Variants in KLRG1 observed in about 807,000 individuals in gnomAD.
The protein encoded by KLRG1 is killer cell lectin like receptor G1, also known as killer cell lectin-like receptor subfamily G member 1.
KLRG1 carries 16 observed loss-of-function variants against 21.8 expected under a neutral mutation model. The observed-to-expected ratio is 0.73, with a 90% CI of 0.50 to 1.11. KLRG1 has a LOEUF of 1.11. Among genes scored for constraint, KLRG1 ranks in the 50% most tolerant of loss-of-function variants. KLRG1 has a pLI of 0.00. For synonymous variants in KLRG1, 69 were observed against 75.9 expected (o/e 0.91, Z 0.47); for missense variants, 173 against 218.3 (o/e 0.79, Z 1.31).
chr12:9,017,613 C>T, the KLRG1 span, among the ~76,000 whole-genome samples: 3 of 152,068 alleles, frequency 2.0e-5, no homozygotes, highest in Admixed American at 6.5e-5. Flanking sequence ...AGACATACCT[C>T]AACACAATAA....
chr12:9,111,998 T>C, the KLRG1 span: 4 of 794,402 alleles, frequency 5.0e-6, no homozygotes, highest in Non-Finnish European at 9.2e-6. Context: ...TTTCTTTACC[T>C]GGAATGATGT....
At chr12:9,200,287 T>A in the KLRG1 span, 1 of 975,780 alleles carries the variant, frequency 1.0e-6, no homozygotes, top group Non-Finnish European at 1.5e-6. Flanking sequence ...GCAAAGTAAA[T>A]TTATAATTTT....
chr12:9,152,275 A>T, the KLRG1 span: 1 of 1,613,390 alleles, frequency 6.2e-7, no homozygotes. Context: ...TACATCAACA[A>T]TCACCATATT....
At chr12:9,093,758 T>C in the KLRG1 span, among the ~76,000 whole-genome samples, 1 of 151,618 alleles carries the variant, frequency 6.6e-6, no homozygotes, top group Non-Finnish European at 1.5e-5. Context: ...AATATGTTGG[T>C]TGACTTAACA....
chr12:8,977,227 G>A (rs1176017286), intron 1 of KLRG1, among the ~76,000 whole-genome samples: 4 of 149,760 alleles, frequency 2.7e-5, no homozygotes, highest in East Asian at 2.0e-4. Flanking sequence ...TTTTTGAGAC[G>A]GAGTCTGGCT....
the KLRG1 span, among the ~76,000 whole-genome samples, chr12:9,194,723 G>C: frequency 2.9e-4 from 44 of 152,114 alleles, no homozygotes; most frequent in African/African-American, 7.0e-4. Context: ...CTCGGCCTCC[G>C]AAAGTGCTGG....
chr12:9,020,105 G>T, the KLRG1 span, among the ~76,000 whole-genome samples: 1 of 151,950 alleles, frequency 6.6e-6, no homozygotes, highest in South Asian at 2.1e-4. Context: ...TTTTAGGGAT[G>T]GGGTCTTGCT....
intron 1 of KLRG1, among the ~76,000 whole-genome samples, chr12:8,952,220 A>G (rs1020135799): frequency 2.6e-5 from 4 of 152,194 alleles, no homozygotes; most frequent in African/African-American, 4.8e-5. Flanking sequence ...AAGCAGTTCT[A>G]GGATTGTTGG....
At chr12:9,170,865 T>TG in the KLRG1 span, among the ~76,000 whole-genome samples, 5 of 152,128 alleles carry the variant, frequency 3.3e-5, no homozygotes, top group Non-Finnish European at 5.9e-5. The surrounding 1 kb of genome is among the most constrained non-coding windows in gnomAD (Gnocchi z 4.6). Flanking sequence ...ACCGAGCTCC[T>TG]GGGGGGCAGG....
intron 1 of KLRG1, among the ~76,000 whole-genome samples, chr12:8,967,323 C>G (rs1946492232): frequency 6.6e-6 from 1 of 151,960 alleles, no homozygotes; most frequent in Non-Finnish European, 1.5e-5. Context: ...TACCCTAAAA[C>G]TTTATACTTT....
intron 1 of KLRG1, among the ~76,000 whole-genome samples, chr12:8,971,971 C>G (rs890503118): frequency 2.6e-5 from 4 of 152,182 alleles, no homozygotes; most frequent in Non-Finnish European, 5.9e-5. Flanking sequence ...TTCACTCTGT[C>G]GATTGTTTCC....
At chr12:9,013,813 A>G (rs1947664000), downstream of KLRG1, among the ~76,000 whole-genome samples, 1 of 152,206 alleles carries the variant, frequency 6.6e-6, no homozygotes, top group Admixed American at 6.5e-5. Flanking sequence ...GCTATAATTC[A>G]AGATGAGATT....
the KLRG1 span, among the ~76,000 whole-genome samples, chr12:9,139,103 A>G: frequency 6.6e-6 from 1 of 152,062 alleles, no homozygotes; most frequent in Admixed American, 6.5e-5. Context: ...TTTGCTGAAT[A>G]CCATAATTTT....
chr12:9,158,484 G>A, the KLRG1 span: 1 of 1,614,056 alleles, frequency 6.2e-7, no homozygotes, highest in Non-Finnish European at 8.5e-7. Context: ...CTGCATCTGG[G>A]AGAGCCACGT....
At chr12:9,104,560 C>T in the KLRG1 span, among the ~76,000 whole-genome samples, 365 of 152,168 alleles carry the variant, frequency 2.4e-3, 1 homozygote, top group Non-Finnish European at 4.2e-3. Context: ...CATCACAGAG[C>T]TTACTGTCTA....
Position 8,995,173 on chromosome 12 carries a change from A to T in KLRG1, c.242A>T (p.Lys81Ile), listed in dbSNP as rs777549873. 3.1e-6 allele frequency: 5 copies of T among 1,613,618 alleles called. No homozygotes were observed. The Admixed American group carries it at 8.3e-5, about 27-fold the overall frequency. ...SCPSCPDRWM[K>I]YGNHCYYFSV... Reference sequence around the variant, plus strand: ...CCTAGCTGCCCAGACCGCTGGATGAAATATGGTAACCATTGTTATTATTTC... The same window carrying T: ...CCTAGCTGCCCAGACCGCTGGATGATATATGGTAACCATTGTTATTATTTC... Residue 81 changes from lysine (K) to isoleucine (I), a missense_variant, in exon 3 of 5, where the codon AAA becomes ATA. Transcript: ENST00000356986.
chr12:8,982,666 A>G (rs1322471602), intron 1 of KLRG1, among the ~76,000 whole-genome samples: 7 of 120,940 alleles, frequency 5.8e-5, no homozygotes, highest in African/African-American at 2.2e-4. Flanking sequence ...TTTTTTTGAG[A>G]TGGAGTTTCA....
At chr12:9,028,002 A>G in the KLRG1 span, 11 of 1,143,438 alleles carry the variant, frequency 9.6e-6, no homozygotes, top group African/African-American at 1.5e-5. Flanking sequence ...TTTCTGAATG[A>G]CAGTCTTATC....
the KLRG1 span, among the ~76,000 whole-genome samples, chr12:9,155,508 TTG>T: frequency 6.6e-6 from 1 of 152,176 alleles, no homozygotes; most frequent in African/African-American, 2.4e-5. Context: ...GTTGTTGTTG[TTG>T]TTTTTGTACT....
Sources: allele counts gnomAD v4.1 joint callset (sites outside exome capture counted in the v4.1 genomes callset), GRCh38; gene constraint gnomAD v4.1.1; non-coding constraint Gnocchi (gnomAD v3.1); transcripts MANE v1.5; gene names NCBI Gene and HGNC (gene_info 2026-07-23, HGNC 2026-07-21).